Variants in FILIP1 observed in about 807,000 individuals in gnomAD.
FILIP1 encodes filamin A interacting protein 1.
Under a neutral mutation model 102.1 loss-of-function variants are expected in FILIP1, and 61 were observed. That is an observed-to-expected ratio of 0.60 (90% CI 0.49 to 0.74). FILIP1 has a LOEUF of 0.74. FILIP1 is among the 30% of genes least tolerant of loss of function. FILIP1 has a pLI of 0.00. For missense variants in FILIP1, 1,314 were observed against 1,441.2 expected, an observed-to-expected ratio of 0.91 and a Z score of 1.43; for synonymous variants, 491 against 526.9, an observed-to-expected ratio of 0.93 and a Z score of 0.93.
At chr6:75,481,038 G>C (rs1479279650) in intron 1 of FILIP1, among the ~76,000 whole-genome samples, 2 of 152,058 alleles carry the variant, frequency 1.3e-5, no homozygotes, top group African/African-American at 4.8e-5. Flanking sequence ...GAACTTGTTT[G>C]TCAGGCCCTA....
At chr6:75,462,584 G>GTATA (rs544327944) in intron 1 of FILIP1, among the ~76,000 whole-genome samples, 1 of 151,570 alleles carries the variant, frequency 6.6e-6, no homozygotes, top group Non-Finnish European at 1.5e-5. Flanking sequence ...ATATGTGTGT[G>GTATA]TATATATATA....
intron 2 of FILIP1, among the ~76,000 whole-genome samples, chr6:75,380,156 GA>G (rs1006565858): frequency 9.5e-5 from 14 of 146,990 alleles, no homozygotes; most frequent in African/African-American, 1.5e-4. Flanking sequence ...AAATAACAAA[GA>G]AAAAAATAGA....
rs56859939 is a variant in FILIP1 at position 75,430,910 on chromosome 6, T to A, written c.-6-15932A>T. Among the ~76,000 whole-genome samples the A allele has an allele frequency of 2.6e-5, 4 of 152,242 alleles. No individual in the cohort carries two copies. The East Asian group carries it at 7.7e-4, about 29-fold the overall frequency. Reference sequence around the variant, plus strand: ...GCCAAGGCAAAAGCACAAAAACACATAGCTGTCTTGTGGTTTGATGTGAAC... The same window carrying A: ...GCCAAGGCAAAAGCACAAAAACACAAAGCTGTCTTGTGGTTTGATGTGAAC... On this transcript the variant is annotated intron_variant, in intron 1 of 5. Transcript: ENST00000237172.
intron 6 of FILIP1, among the ~76,000 whole-genome samples, chr6:75,300,595 T>C (rs1336364291): frequency 6.6e-6 from 1 of 152,244 alleles, no homozygotes; most frequent in African/African-American, 2.4e-5. Context: ...ATTATCACAT[T>C]CAGAAATTAA....
rs191582955 is a variant in FILIP1, at chr6:75,314,163, G to A, written c.1669C>T (p.Leu557=). 763 of 1,534,060 alleles carry A rather than the reference G, an allele frequency of 5.0e-4. 13 individuals are homozygous for A. In the East Asian group the frequency reaches 0.012, roughly 24 times the overall value. Residue 557 remains leucine, a synonymous_variant, in exon 5 of 6, where the codon CTA becomes TTA. Coordinates refer to ENST00000237172, the MANE Select transcript of FILIP1 (RefSeq NM_015687.5). ...ACTTTTTCCTCCATTTCAGATTTTA[G>A]TTTTAAAAGTTTCTTACTTTCTTCA... ...LIEESKKLLK[L]KSEMEEKVYN...
intron 1 of FILIP1, chr6:75,454,887 TG>T (rs1279336428): frequency 2.0e-5 from 3 of 152,176 alleles, no homozygotes; most frequent in Non-Finnish European, 4.4e-5. Flanking sequence ...GAACAAGAAA[TG>T]TTTGTTTTGA....
rs1161496192 is a variant in FILIP1, at chr6:75,444,589, C to T, written c.-6-29611G>A. Among the ~76,000 whole-genome samples the T allele has an allele frequency of 2.2e-4, 34 of 152,110 alleles. 1 individual carries two copies. The highest frequency in any genetic ancestry group is 2.2e-3 in the Admixed American group (34 of 15,274). On this transcript the variant is annotated intron_variant, in intron 1 of 5. Coordinates refer to ENST00000237172, the MANE Select transcript of FILIP1 (RefSeq NM_015687.5). ...CCCCACAGGAGTTTTTAGGTGTCCCCTACCATCGTAAGTTGTTTTACAGTC... is the reference window on the plus strand; with the variant it reads ...CCCCACAGGAGTTTTTAGGTGTCCCTTACCATCGTAAGTTGTTTTACAGTC...
At chr6:75,413,101 C>T (rs746732099) in intron 2 of FILIP1, among the ~76,000 whole-genome samples, 1 of 152,084 alleles carries the variant, frequency 6.6e-6, no homozygotes, top group East Asian at 1.9e-4. Context: ...ATAAAAACCA[C>T]ATGAATCTTA....
At chr6:75,365,186 TC>T (rs997718815) in intron 2 of FILIP1, among the ~76,000 whole-genome samples, 60 of 151,100 alleles carry the variant, frequency 4.0e-4, no homozygotes, top group Non-Finnish European at 7.1e-4. Context: ...GAATGTACTG[TC>T]CTTTGAAAAA....
At chr6:75,348,448 G>C (rs1240275502) in intron 4 of FILIP1, among the ~76,000 whole-genome samples, 3 of 152,040 alleles carry the variant, frequency 2.0e-5, no homozygotes, top group Admixed American at 6.6e-5. Context: ...TTTAATTTGG[G>C]ACTATAACTA....
intron 4 of FILIP1, 60 bp downstream of exon 4, chr6:75,353,479 G>A (rs960641301): frequency 3.8e-5 from 60 of 1,574,230 alleles, no homozygotes; most frequent in African/African-American, 2.8e-4. Flanking sequence ...CTGAAGGGAC[G>A]GGCAGACATG....
At position 75,319,257 on chromosome 6, in the gene FILIP1, A is replaced by G. The variant is rs1426754073; in HGVS notation, c.630-4055T>C. Reference sequence around the variant, plus strand: ...CATAAGGCTGCTTGTCATCTGCAACAGTATTATTTCACACCTGTCCCAGTT... The same window carrying G: ...CATAAGGCTGCTTGTCATCTGCAACGGTATTATTTCACACCTGTCCCAGTT... On this transcript the variant is annotated intron_variant, in intron 4 of 5. Transcript: ENST00000237172. The G allele has an allele frequency of 4.3e-6, 3 of 701,234 alleles. No homozygotes were observed. In the African/African-American group the frequency reaches 5.3e-5, roughly 12 times the overall value. The allele number at this position is 701,234 out of a possible 1,614,324, so 43.4% of individuals were successfully genotyped here.
In FILIP1 at chr6:75,314,414, A is replaced by C. The variant is rs758577044; in HGVS notation, c.1418T>G (p.Val473Gly). The C allele has an allele frequency of 6.5e-7, 1 of 1,547,732 alleles. No individual in the cohort carries two copies. ...TKDLLNELEV[V>G]KSRVKELECS... ...TTCCAATTCTTTAACTCGACTCTTG[A>C]CCACCTCCAATTCATTTAGCAGGTC... Residue 473 changes from valine to glycine, a missense_variant, in exon 5 of 6, where the codon GTC (valine) becomes GGC (glycine). This residue lies in a region of FILIP1 where 816 missense variants were observed against 913.1 expected (regional missense o/e 0.89). Coordinates refer to ENST00000237172, the MANE Select transcript of FILIP1 (RefSeq NM_015687.5).
At chr6:75,309,713 G>A (rs1163784416) in intron 5 of FILIP1, among the ~76,000 whole-genome samples, 2 of 152,050 alleles carry the variant, frequency 1.3e-5, no homozygotes, top group African/African-American at 4.8e-5. Context: ...TAGACAGCTA[G>A]TCCCCCTAAA....
intron 1 of FILIP1, among the ~76,000 whole-genome samples, chr6:75,417,375 A>G (rs1280581129): frequency 6.6e-6 from 1 of 152,222 alleles, no homozygotes; most frequent in Non-Finnish European, 1.5e-5. Context: ...AAAAGTACTC[A>G]GCAATAACAA....
intron 3 of FILIP1, among the ~76,000 whole-genome samples, chr6:75,362,538 T>A (rs1290261833): frequency 6.6e-6 from 1 of 152,202 alleles, no homozygotes; most frequent in East Asian, 1.9e-4. Context: ...CAGGCTTTGG[T>A]ATGTTTAAAG....
chr6:75,319,506 A>G (rs1773567822), intron 4 of FILIP1: 3 of 586,134 alleles, frequency 5.1e-6, no homozygotes, highest in Non-Finnish European at 1.0e-5. Context: ...TCTTCAGCAG[A>G]CATGGTCTTC....
At chr6:75,415,998 TA>T (rs1433402055) in intron 1 of FILIP1, among the ~76,000 whole-genome samples, 1 of 152,182 alleles carries the variant, frequency 6.6e-6, no homozygotes, top group Admixed American at 6.6e-5. Flanking sequence ...AAATTTTGCC[TA>T]AACCCTTAAA....
intron 1 of FILIP1, among the ~76,000 whole-genome samples, chr6:75,455,809 G>A (rs78238468): frequency 0.016 from 2,392 of 152,176 alleles, 63 homozygotes; most frequent in African/African-American, 0.055. Context: ...ATTACTGAAC[G>A]GCTACTAAGG....
Sources: allele counts gnomAD v4.1 joint callset (sites outside exome capture counted in the v4.1 genomes callset), GRCh38; gene constraint gnomAD v4.1.1; regional missense constraint gnomAD v4.1.1; transcripts MANE v1.5; gene names NCBI Gene and HGNC (gene_info 2026-07-23, HGNC 2026-07-21).